The following AKAP1 variants were observed in gnomAD, a reference collection of about 807,000 sequenced individuals.
AKAP1 encodes the protein A-kinase anchoring protein 1.
In AKAP1, 32 loss-of-function variants were observed where a neutral mutation model predicts 79.8. The observed-to-expected ratio is 0.40, with a 90% CI of 0.30 to 0.54. AKAP1 has a LOEUF of 0.54. Ranked by LOEUF, AKAP1 falls within the 20% of genes least tolerant of loss-of-function variation. The probability of loss-of-function intolerance (pLI) is 0.47; values close to 1 mark genes in which losing one functional copy is unlikely to be tolerated. For missense variants in AKAP1, 961 were observed against 1,138.9 expected (o/e 0.84, Z 2.25); for synonymous variants, 416 against 466.7 (o/e 0.89, Z 1.40).
chr17:57,094,975 A>G (rs919443728), intron 1 of AKAP1: 5 of 152,060 alleles, frequency 3.3e-5, no homozygotes, highest in African/African-American at 1.2e-4. Context: ...TGGCTCCCAT[A>G]ATGCTGGCAT....
chr17:57,096,286 T>C (rs1393991722), intron 1 of AKAP1: 1 of 152,272 alleles, frequency 6.6e-6, no homozygotes, highest in Non-Finnish European at 1.5e-5. Flanking sequence ...TTCAGGGTTT[T>C]CATTTTGGCC....
intron 4 of AKAP1, 112 bp downstream of exon 4, chr17:57,112,036 C>T: frequency 7.1e-7 from 1 of 1,399,460 alleles, no homozygotes; most frequent in Non-Finnish European, 9.7e-7. Context: ...TGCTTCTCAT[C>T]CCAGGGAAGG....
Position 57,118,973 on chromosome 17 carries a change from C to T in AKAP1, c.2575-9C>T. ...TAACCATATTATTCTTTCCACCCCC[C>T]TTCTTCAGGTGACAAGTTACAGTCC... On this transcript the variant is annotated splice_polypyrimidine_tract_variant and intron_variant, in intron 9 of 10. Coordinates refer to ENST00000337714, the MANE Select transcript of AKAP1 (RefSeq NM_003488.4). 1 of 1,613,168 alleles carries T rather than the reference C, an allele frequency of 6.2e-7. No individual in the cohort carries two copies. Among genetic ancestry groups the T allele is most frequent in the Non-Finnish European group, 8.5e-7 (1 of 1,179,164 alleles).
Position 57,116,993 on chromosome 17 carries a change from G to A in AKAP1, c.2500+66G>A. ...AGTTGTTGAGAGTAGGTCTTTCTCAGAGCCTCCGTTCTCACCTGGAGGATT... is the reference window on the plus strand; with the variant it reads ...AGTTGTTGAGAGTAGGTCTTTCTCAAAGCCTCCGTTCTCACCTGGAGGATT... On this transcript the variant is annotated intron_variant, in intron 8 of 10. Coordinates refer to ENST00000337714, the MANE Select transcript of AKAP1 (RefSeq NM_003488.4). 2.1e-6 allele frequency: 3 copies of A among 1,456,356 alleles called. No homozygotes were observed. In the South Asian group the frequency reaches 3.4e-5, roughly 17 times the overall value. 90.2% of individuals were successfully genotyped at this position (1,456,356 alleles called of 1,614,324 possible). A position where few individuals can be genotyped will look rare whatever the true frequency, so the allele number is the denominator to read the frequency against.
In AKAP1 at chr17:57,119,010, C is replaced by G. The variant is rs1915760976; in HGVS notation, c.2603C>G (p.Pro868Arg). The change falls in exon 10 of 11, where the codon CCT (proline) becomes CGT (arginine). Residue 868 changes from proline to arginine, a missense_variant. Pro to Arg is a moderately radical substitution (Grantham distance 103, BLOSUM62 -2). Coordinates refer to ENST00000337714, the MANE Select transcript of AKAP1 (RefSeq NM_003488.4). ...ACAAGTTACAGTCCAACTGGTCTTC[C>G]TCTGATTCAGCTGTGGAGTGTGGTT... ...QVTSYSPTGLPLIQLWSVVGD... is the reference protein window; with the variant it reads ...QVTSYSPTGLRLIQLWSVVGD... 6.2e-7 allele frequency: 1 copy of G among 1,613,800 alleles called. No individual in the cohort carries two copies. The highest frequency in any genetic ancestry group is 8.5e-7 in the Non-Finnish European group (1 of 1,179,796).
intron 1 of AKAP1, among the ~76,000 whole-genome samples, chr17:57,098,740 AG>A: frequency 6.8e-6 from 1 of 148,120 alleles, no homozygotes; most frequent in South Asian, 2.2e-4. Context: ...CTCAGGGGTG[AG>A]GGAGTGAGGG....
intron 8 of AKAP1, among the ~76,000 whole-genome samples, chr17:57,117,683 C>T (rs1915669507): frequency 6.7e-6 from 1 of 149,742 alleles, no homozygotes; most frequent in African/African-American, 2.4e-5. Flanking sequence ...ATTGCTGTTG[C>T]CCCTCCTTCC....
chr17:57,086,174 C>T lies in AKAP1; in HGVS notation c.-25+776C>T. ...CGTCCAGCCTGGGGTGTCTGCCGACCTCACGCCCGGGGGCCCCGACGGTCA... is the reference window on the plus strand; with the variant it reads ...CGTCCAGCCTGGGGTGTCTGCCGACTTCACGCCCGGGGGCCCCGACGGTCA... On this transcript the variant is annotated intron_variant, in intron 1 of 10. Coordinates refer to ENST00000337714, the MANE Select transcript of AKAP1 (RefSeq NM_003488.4). The surrounding 1 kb of genome is among the most constrained non-coding windows in gnomAD (Gnocchi z 5.1). 1 of 323,010 alleles carries T rather than the reference C, an allele frequency of 3.1e-6. No individual in the cohort carries two copies. Among genetic ancestry groups the T allele is most frequent in the Non-Finnish European group, 6.1e-6 (1 of 164,744 alleles). The allele number at this position is 323,010 out of a possible 1,614,324, so 20.0% of individuals were successfully genotyped here. A position where few individuals can be genotyped will look rare whatever the true frequency, so the allele number is the denominator to read the frequency against.
intron 1 of AKAP1, among the ~76,000 whole-genome samples, chr17:57,104,162 G>A (rs1567904618): frequency 6.6e-6 from 1 of 152,122 alleles, no homozygotes; most frequent in African/African-American, 2.4e-5. Context: ...GTTTCACCGT[G>A]TTGCCCAGGC....
At chr17:57,114,419 A>C in intron 5 of AKAP1, 40 bp from the exon 6 acceptor site, 1 of 1,604,806 alleles carries the variant, frequency 6.2e-7, no homozygotes, top group African/African-American at 1.3e-5. Context: ...ATGAGATAAG[A>C]AGGATTGTTT....
chr17:57,091,538 G>A (rs1269616838), intron 1 of AKAP1, among the ~76,000 whole-genome samples: 1 of 152,120 alleles, frequency 6.6e-6, no homozygotes, highest in Non-Finnish European at 1.5e-5. Context: ...CTGCCTCCTG[G>A]TGCAGGCAGG....
intron 1 of AKAP1, among the ~76,000 whole-genome samples, chr17:57,101,393 T>C (rs1210554097): frequency 6.6e-6 from 1 of 152,072 alleles, no homozygotes; most frequent in Non-Finnish European, 1.5e-5. Flanking sequence ...CCCAGGCTGG[T>C]CTCAAACTCC....
chr17:57,118,845 C>A, intron 9 of AKAP1, 137 bp from the exon 10 acceptor site: 2 of 912,948 alleles, frequency 2.2e-6, no homozygotes, highest in Non-Finnish European at 3.5e-6. Context: ...AGCATGGGCA[C>A]ACCGCCTCAT....
chr17:57,100,803 CCTTA>C (rs1254309256), intron 1 of AKAP1, among the ~76,000 whole-genome samples: 1 of 152,126 alleles, frequency 6.6e-6, no homozygotes, highest in Non-Finnish European at 1.5e-5. Context: ...CTCAAACTGT[CCTTA>C]CTCTTTTTTT....
At chr17:57,094,163 A>G (rs1913948708) in intron 1 of AKAP1, 1 of 151,910 alleles carries the variant, frequency 6.6e-6, no homozygotes, top group Admixed American at 6.6e-5. Flanking sequence ...TCATTGGGGG[A>G]AAGTGGCTCT....
chr17:57,109,005 G>A (rs72828908), intron 2 of AKAP1, among the ~76,000 whole-genome samples: 1,626 of 152,354 alleles, frequency 0.011, 18 homozygotes, highest in Non-Finnish European at 0.015. Flanking sequence ...GAAGCGCCTA[G>A]TGTTAAGGGG....
chr17:57,108,635 A>G (rs1183923827), intron 2 of AKAP1, among the ~76,000 whole-genome samples: 2 of 152,174 alleles, frequency 1.3e-5, no homozygotes, highest in African/African-American at 4.8e-5. Flanking sequence ...ACTGTCCACG[A>G]GCATGCGGTG....
chr17:57,106,265 G>A lies in AKAP1; in HGVS notation c.801G>A (p.Leu267=). Residue 267 remains leucine (L), a synonymous_variant, in exon 2 of 11, where the codon TTG becomes TTA. Transcript: ENST00000337714. The part of the protein sequence containing the change: ...VQEEEYVAEK[L]PSRFIESAHT... ...AGGAAGAGTATGTAGCAGAGAAGTT[G>A]CCAAGTAGGTTCATCGAGTCGGCTC... 1 of 1,614,190 alleles carries A rather than the reference G, an allele frequency of 6.2e-7. No individual in the cohort carries two copies. The highest frequency in any genetic ancestry group is 8.5e-7 in the Non-Finnish European group (1 of 1,180,048).
chr17:57,091,290 G>A (rs1160404163), intron 1 of AKAP1, among the ~76,000 whole-genome samples: 1 of 151,568 alleles, frequency 6.6e-6, no homozygotes, highest in African/African-American at 2.4e-5. Context: ...GGCCAAGCAT[G>A]TGCTGGTGCT....
Sources: gnomAD v4.1 joint callset for allele counts (sites outside exome capture counted in the v4.1 genomes callset) on GRCh38, gnomAD v4.1.1 for gene constraint, Gnocchi (gnomAD v3.1) non-coding constraint, MANE v1.5 for transcripts, NCBI Gene and HGNC (gene_info 2026-07-23, HGNC 2026-07-21) for gene names.